Variants in PLAC1 observed in about 807,000 individuals in gnomAD.
PLAC1 encodes the protein placenta-specific protein 1.
For synonymous variants in PLAC1, 68 were observed against 62.1 expected, an observed-to-expected ratio of 1.09 and a Z score of -0.44; for missense variants, 136 against 163.2, an observed-to-expected ratio of 0.83 and a Z score of 0.91.
At chrX:134,587,355 G>T (rs1313950301) in intron 2 of PLAC1, among the ~76,000 whole-genome samples, 1 of 110,361 alleles carries the variant, frequency 9.1e-6, no homozygotes, top group Non-Finnish European at 1.9e-5. Context: ...CCAGGAGTTT[G>T]AGACCAGCTT....
In PLAC1 at chrX:134,719,276, A is replaced by G. The variant is rs550497562; in HGVS notation, n.174+14159T>C. Among the ~76,000 whole-genome samples, 13 of 112,453 alleles carry G rather than the reference A, an allele frequency of 1.2e-4. 1 individual carries two copies. The South Asian group carries it at 4.8e-3, about 41-fold the overall frequency. On this transcript the variant is annotated intron_variant and non_coding_transcript_variant, in intron 2 of 2. Transcript: ENST00000466797. ...TATCACACAAACACAAAAATCCTCA[A>G]CAAAATACTACTAAACTGAATCCAA...
chrX:134,590,799 G>C (rs2078035260), intron 2 of PLAC1, among the ~76,000 whole-genome samples: 1 of 110,232 alleles, frequency 9.1e-6, no homozygotes. Flanking sequence ...TAGAGACCGG[G>C]TTTCACCATG....
chrX:134,666,593 G>T (rs993555788), intron 2 of PLAC1, among the ~76,000 whole-genome samples: 3 of 111,581 alleles, frequency 2.7e-5, no homozygotes, highest in Non-Finnish European at 3.8e-5. Context: ...GGCATGCTCA[G>T]AAAGAGGAAT....
intron 1 of PLAC1, among the ~76,000 whole-genome samples, chrX:134,616,418 C>T (rs754800971): frequency 3.3e-4 from 37 of 111,589 alleles, no homozygotes; most frequent in African/African-American, 9.8e-4. Context: ...AGGCAGATCA[C>T]GAGGTCAGGA....
At chrX:134,694,283 T>C (rs1342371148) in intron 2 of PLAC1, among the ~76,000 whole-genome samples, 1 of 111,795 alleles carries the variant, frequency 8.9e-6, no homozygotes, top group Admixed American at 9.5e-5. Context: ...GTTAATTTTT[T>C]TCAGCAAGTT....
chrX:134,669,624 T>C (rs1052415983), intron 2 of PLAC1, among the ~76,000 whole-genome samples: 11 of 111,150 alleles, frequency 9.9e-5, no homozygotes, highest in Non-Finnish European at 2.1e-4. Context: ...GCAGAATGGG[T>C]AGGAGTTAGG....
Position 134,566,664 on chromosome X carries a change from T to C in PLAC1, c.19A>G (p.Ile7Val). 1.7e-6 allele frequency: 2 copies of C among 1,192,796 alleles called. No individual in the cohort carries two copies. Among genetic ancestry groups the C allele is most frequent in the Non-Finnish European group, 2.3e-6 (2 of 882,348 alleles). The change falls in exon 3 of 3, where the codon ATA (isoleucine) becomes GTA (valine). Residue 7 changes from isoleucine (I) to valine (V), a missense_variant. Coordinates refer to ENST00000359237, the MANE Select transcript of PLAC1 (RefSeq NM_021796.4). Reference sequence around the variant, plus strand: ...GAGGTGAGGAGGATCATCAGTCCTATGAACTTAAAAACTTTCATCCCTGCA... The same window carrying C: ...GAGGTGAGGAGGATCATCAGTCCTACGAACTTAAAAACTTTCATCCCTGCA... The part of the protein sequence containing the change: MKVFKF[I>V]GLMILLTSAF...
rs184303831 is a variant in PLAC1, at chrX:134,631,174, C to T, written c.-131+27154G>A. 1.2e-3 allele frequency among the ~76,000 whole-genome samples: 139 copies of T among 112,692 alleles called. 1 individual carries two copies. Among genetic ancestry groups the T allele is most frequent in the Non-Finnish European group, 1.9e-3 (101 of 53,296 alleles). On this transcript the variant is annotated intron_variant, in intron 1 of 2. Coordinates refer to ENST00000359237, the MANE Select transcript of PLAC1 (RefSeq NM_021796.4). ...ATGATGGTATAATATTGTGAACGTA[C>T]GAAATGCCACTGAATTATGCACGTA...
At chrX:134,645,877 C>T (rs755451716) in intron 1 of PLAC1, among the ~76,000 whole-genome samples, 7 of 111,431 alleles carry the variant, frequency 6.3e-5, no homozygotes, top group African/African-American at 1.3e-4. Flanking sequence ...TCCCCTTCCC[C>T]GATGATCAGG....
At chrX:134,666,989 G>A (rs1403144680) in intron 2 of PLAC1, among the ~76,000 whole-genome samples, 3 of 112,358 alleles carry the variant, frequency 2.7e-5, no homozygotes, top group African/African-American at 9.7e-5. Context: ...ACATGCAAAA[G>A]AATGGAACTG....
chrX:134,591,397 C>T (rs1220815995), intron 2 of PLAC1, among the ~76,000 whole-genome samples: 1 of 112,592 alleles, frequency 8.9e-6, no homozygotes, highest in Non-Finnish European at 1.9e-5. Flanking sequence ...CCCAATGAAT[C>T]GAAGCTAGCA....
chrX:134,743,362 T>A (rs1380125349), intron 1 of PLAC1, among the ~76,000 whole-genome samples: 1 of 111,771 alleles, frequency 8.9e-6, no homozygotes, highest in African/African-American at 3.2e-5. Context: ...AGTTCATAAT[T>A]CAATTCCATC....
intron 2 of PLAC1, among the ~76,000 whole-genome samples, chrX:134,709,330 A>T (rs925201543): frequency 8.9e-6 from 1 of 112,569 alleles, no homozygotes; most frequent in Non-Finnish European, 1.9e-5. Context: ...ATGTCATGGC[A>T]TTAAAACAAC....
intron 2 of PLAC1, among the ~76,000 whole-genome samples, chrX:134,568,852 T>C (rs2124345003): frequency 8.9e-6 from 1 of 111,769 alleles, no homozygotes; most frequent in African/African-American, 3.2e-5. Flanking sequence ...TTTTGGAAGC[T>C]GAGATAATCA....
intron 1 of PLAC1, among the ~76,000 whole-genome samples, chrX:134,756,610 G>T (rs775284753): frequency 1.3e-3 from 143 of 110,620 alleles, no homozygotes; most frequent in Non-Finnish European, 1.8e-3. Flanking sequence ...AGCACTTTGG[G>T]AGGCCGAGAC....
chrX:134,669,804 G>A (rs1026240401), intron 2 of PLAC1, among the ~76,000 whole-genome samples: 5 of 112,277 alleles, frequency 4.5e-5, no homozygotes, highest in Admixed American at 9.4e-5. Context: ...TGGGCTTGGC[G>A]GTGGAGGGGC....
At chrX:134,593,692 T>C (rs2078050031) in intron 2 of PLAC1, among the ~76,000 whole-genome samples, 1 of 112,120 alleles carries the variant, frequency 8.9e-6, no homozygotes, top group Non-Finnish European at 1.9e-5. Flanking sequence ...CTTTGGTGTT[T>C]ATGTATTCAT....
intron 2 of PLAC1, among the ~76,000 whole-genome samples, chrX:134,574,877 C>T (rs138172475): frequency 3.7e-3 from 414 of 111,654 alleles, no homozygotes; most frequent in African/African-American, 0.013. Flanking sequence ...CCCAAGTTTA[C>T]CCAGGCAAAT....
At chrX:134,576,253 T>C (rs1481927865) in intron 2 of PLAC1, among the ~76,000 whole-genome samples, 1 of 109,573 alleles carries the variant, frequency 9.1e-6, no homozygotes, top group Non-Finnish European at 1.9e-5. Context: ...AATTATGTCC[T>C]CCCAGCTGGG....
Sources: gnomAD v4.1 joint callset for allele counts (sites outside exome capture counted in the v4.1 genomes callset) on GRCh38, gnomAD v4.1.1 for gene constraint, MANE v1.5 for transcripts, NCBI Gene and HGNC (gene_info 2026-07-23, HGNC 2026-07-21) for gene names.